MYBPC3: variants seen among roughly 807,000 people sequenced by gnomAD.
MYBPC3 encodes the protein myosin-binding protein C, cardiac-type.
A neutral mutation model predicts 159.3 loss-of-function variants in MYBPC3; 108 were observed. The observed-to-expected ratio is 0.68, with a 90% CI of 0.58 to 0.80. The LOEUF is 0.80. Among genes scored for constraint, MYBPC3 ranks in the 30% least tolerant of loss-of-function variants. The pLI is 0.00. For synonymous variants in MYBPC3, 730 were observed against 702.0 expected, an observed-to-expected ratio of 1.04 and a Z score of -0.63; for missense variants, 1,631 against 1,762.1, an observed-to-expected ratio of 0.93 and a Z score of 1.33.
rs1256361043 is a variant in MYBPC3, at chr11:47,332,291, A to G, written c.3628-33T>C. On this transcript the variant is annotated intron_variant, in intron 32 of 34. Coordinates refer to ENST00000545968, the MANE Select transcript of MYBPC3 (RefSeq NM_000256.3). This position sits in a 1 kb window ranked among gnomAD's most constrained non-coding sequence, Gnocchi z 4.2. ...TAAGGTAAAGAGAGGGAGGGAAGCC[A>G]TCCAGGCTGAGAGGGGACCTGGCAG... is the stretch of plus-strand genomic sequence containing the variant. 3.1e-6 allele frequency: 5 copies of G among 1,603,856 alleles called. No homozygotes were observed. The Admixed American group carries it at 8.3e-5, about 27-fold the overall frequency.
intron 30 of MYBPC3, 74 bp from the exon 31 acceptor site, chr11:47,333,047 CT>C: frequency 6.5e-7 from 1 of 1,542,702 alleles, no homozygotes; most frequent in Non-Finnish European, 8.8e-7. Context: ...CCTGGGTGCC[CT>C]TGGCATCTCC....
In MYBPC3 at chr11:47,344,684, C is replaced by T. The variant is rs183347672; in HGVS notation, c.1091-1060G>A. Among the ~76,000 whole-genome samples, 18 of 152,318 alleles carry T rather than the reference C, an allele frequency of 1.2e-4. No individual in the cohort carries two copies. In the East Asian group the frequency reaches 2.5e-3, roughly 21 times the overall value. On this transcript the variant is annotated intron_variant, in intron 12 of 34. Transcript: ENST00000545968. Reference sequence around the variant, plus strand: ...CTAGTTCCTTAAACCCTCTGTGCCTCGGTTTCCTCAGTAACATGGAAATGG... The same window carrying T: ...CTAGTTCCTTAAACCCTCTGTGCCTTGGTTTCCTCAGTAACATGGAAATGG...
Position 47,348,908 on chromosome 11 carries a change from T to TTATATATACATATATATATATATATA in MYBPC3, c.655-368_655-367insTATATATATATATATATGTATATATA, listed in dbSNP as rs1555123224. ...CGACAGAGCGAGACCCTGTCTCAAATTATATATATATATATATATTTAAAG... is the reference window on the plus strand; with the variant it reads ...CGACAGAGCGAGACCCTGTCTCAAATTATATATACATATATATATATATATATATATATATATATATATATTTAAAG... On this transcript the variant is annotated intron_variant, in intron 5 of 34. Coordinates refer to ENST00000545968, the MANE Select transcript of MYBPC3 (RefSeq NM_000256.3). 1.5e-4 allele frequency among the ~76,000 whole-genome samples: 6 copies of TTATATATACATATATATATATATATA among 39,884 alleles called. 1 individual carries two copies. The highest frequency in any genetic ancestry group is 4.6e-4 in the African/African-American group (6 of 13,140). 26.2% of individuals were successfully genotyped at this position (39,884 alleles called of 152,430 possible). A position where few individuals can be genotyped will look rare whatever the true frequency, so the allele number is the denominator to read the frequency against.
chr11:47,348,248 C>G (rs545885226), intron 6 of MYBPC3, among the ~76,000 whole-genome samples, 176 bp downstream of exon 6: 1 of 152,200 alleles, frequency 6.6e-6, no homozygotes, highest in Non-Finnish European at 1.5e-5. Context: ...TAAGCCCCCA[C>G]GCCTACCCTG....
chr11:47,334,028 G>T lies in MYBPC3; in HGVS notation c.2906-18C>A. On this transcript the variant is annotated intron_variant, in intron 27 of 34. Coordinates refer to ENST00000545968, the MANE Select transcript of MYBPC3 (RefSeq NM_000256.3). ...TGGCCGTTCTGTGGGTATAGAGTGG[G>T]TAGCTAAGTGAGGGCCCGCCACAGC... 3 of 1,560,928 alleles carry T rather than the reference G, an allele frequency of 1.9e-6. No homozygotes were observed. Among genetic ancestry groups the T allele is most frequent in the Non-Finnish European group, 2.6e-6 (3 of 1,152,154 alleles).
rs1060504239 is a variant in MYBPC3 at position 47,348,506 on chromosome 11, C to T, written c.690G>A (p.Gln230=). The T allele has an allele frequency of 4.3e-6, 7 of 1,613,452 alleles. No individual in the cohort carries two copies. The highest frequency in any genetic ancestry group is 5.9e-6 in the Non-Finnish European group (7 of 1,179,678). The stretch of plus-strand genomic sequence containing the variant: ...AGCGGTAGCTGCCAGTGAAGGCAGG[C>T]TGGGCATCGGTGATGTGCAGCTCGA... ...YLFELHITDA[Q]PAFTGSYRCE... The change falls in exon 6 of 35, where the codon CAG becomes CAA. Residue 230 remains glutamine (Q), a synonymous_variant. Transcript: ENST00000545968.
rs1555123220 is a variant in MYBPC3, at chr11:47,348,927, T to TA, written c.655-387_655-386insT. 1.0e-3 allele frequency among the ~76,000 whole-genome samples: 132 copies of TA among 125,976 alleles called. 1 individual carries two copies. Among genetic ancestry groups the TA allele is most frequent in the Non-Finnish European group, 1.3e-3 (78 of 58,344 alleles). 82.6% of individuals were successfully genotyped at this position (125,976 alleles called of 152,430 possible). A position where few individuals can be genotyped will look rare whatever the true frequency, so the allele number is the denominator to read the frequency against. On this transcript the variant is annotated intron_variant, in intron 5 of 34. Coordinates refer to ENST00000545968, the MANE Select transcript of MYBPC3 (RefSeq NM_000256.3). ...CTCAAATTATATATATATATATATA[T>TA]TTAAAGGAGGCTGGGAGTGACAAAT...
chr11:47,342,674 G>A lies in MYBPC3; in HGVS notation c.1528C>T (p.His510Tyr). Residue 510 changes from histidine (H) to tyrosine (Y), a missense_variant, in exon 17 of 35, where the codon CAC (histidine) becomes TAC (tyrosine). Physicochemically the swap from His to Tyr is moderately conservative, Grantham distance 83 (BLOSUM62 2). Coordinates refer to ENST00000545968, the MANE Select transcript of MYBPC3 (RefSeq NM_000256.3). ...ATGGCCTCGTTGATGATCAGGTGGT[G>A]TCTCTGCCCGTCCTTCTTGAACCGG... ...KYRFKKDGQRHHLIINEAMLE... is the reference protein window; with the variant it reads ...KYRFKKDGQRYHLIINEAMLE... The A allele has an allele frequency of 6.2e-7, 1 of 1,614,056 alleles. No individual in the cohort carries two copies. The highest frequency in any genetic ancestry group is 1.1e-5 in the South Asian group (1 of 91,090).
At position 47,332,348 on chromosome 11, in the gene MYBPC3, CG is replaced by C; in HGVS notation, c.3628-91del. 2 of 1,499,468 alleles carry C rather than the reference CG, an allele frequency of 1.3e-6. No homozygotes were observed. Among genetic ancestry groups the C allele is most frequent in the Non-Finnish European group, 1.8e-6 (2 of 1,082,450 alleles). The allele number at this position is 1,499,468 out of a possible 1,614,324, so 92.9% of individuals were successfully genotyped here. On this transcript the variant is annotated intron_variant, in intron 32 of 34. Coordinates refer to ENST00000545968, the MANE Select transcript of MYBPC3 (RefSeq NM_000256.3). The surrounding 1 kb of genome is among the most constrained non-coding windows in gnomAD (Gnocchi z 4.2). ...AGGGAGACACATCTGTGTTTCTACTCGGGGGGTCCCACGAGAGTCCCTGACT... is the reference window on the plus strand; with the variant it reads ...AGGGAGACACATCTGTGTTTCTACTCGGGGGTCCCACGAGAGTCCCTGACT...
At chr11:47,340,117 C>A (rs901808443) in intron 20 of MYBPC3, among the ~76,000 whole-genome samples, 3 of 147,574 alleles carry the variant, frequency 2.0e-5, no homozygotes, top group Non-Finnish European at 4.5e-5. Context: ...CACACACACA[C>A]AATACACACA....
At chr11:47,339,254 G>T (rs1003353936) in intron 22 of MYBPC3, 70 bp downstream of exon 22, 33 of 1,553,154 alleles carry the variant, frequency 2.1e-5, no homozygotes, top group Non-Finnish European at 2.8e-5. Flanking sequence ...CCTCGCCAAG[G>T]GCTCGGCACC....
At chr11:47,352,412 T>A (rs2142870584) in intron 1 of MYBPC3, among the ~76,000 whole-genome samples, 1 of 152,212 alleles carries the variant, frequency 6.6e-6, no homozygotes, top group Non-Finnish European at 1.5e-5. Flanking sequence ...TCTGCGTCCC[T>A]GACCTTGGGT....
At chr11:47,342,543 C>T in intron 17 of MYBPC3, 35 bp downstream of exon 17, 2 of 1,530,032 alleles carry the variant, frequency 1.3e-6, no homozygotes, top group African/African-American at 2.7e-5. Context: ...GGGTCCAAGC[C>T]CTAAAGCCTC....
chr11:47,350,128 T>G lies in MYBPC3; in HGVS notation c.407-16A>C. The stretch of plus-strand genomic sequence containing the variant: ...GAGCTTGACCCTGTGAGCAAAGGCT[T>G]TTTCTGTTTGTTTGAGATGGAGTCT... On this transcript the variant is annotated splice_polypyrimidine_tract_variant and intron_variant, in intron 3 of 34. Coordinates refer to ENST00000545968, the MANE Select transcript of MYBPC3 (RefSeq NM_000256.3). 1.3e-6 allele frequency: 2 copies of G among 1,550,018 alleles called. No individual in the cohort carries two copies. The highest frequency in any genetic ancestry group is 1.7e-6 in the Non-Finnish European group (2 of 1,146,284).
intron 30 of MYBPC3, 92 bp from the exon 31 acceptor site, chr11:47,333,065 A>G (rs1023162994): frequency 7.9e-6 from 12 of 1,525,670 alleles, no homozygotes; most frequent in Admixed American, 2.0e-5. Flanking sequence ...CTCCACCCCT[A>G]CTATGGAGGG....
intron 12 of MYBPC3, among the ~76,000 whole-genome samples, chr11:47,345,476 T>C (rs1163739005): frequency 6.6e-6 from 1 of 152,140 alleles, no homozygotes; most frequent in Non-Finnish European, 1.5e-5. Flanking sequence ...GGGAGGGGCT[T>C]GTCTCCCATA....
At chr11:47,337,946 CT>C (rs2095884216) in intron 23 of MYBPC3, among the ~76,000 whole-genome samples, 152 bp from the exon 24 acceptor site, 1 of 137,844 alleles carries the variant, frequency 7.3e-6, no homozygotes, top group South Asian at 2.3e-4. Context: ...TTTCTTTCTT[CT>C]TTTCCTTTTT....
chr11:47,342,657 G>A lies in MYBPC3; in HGVS notation c.1545C>T (p.Asn515=), dbSNP rs771230605. 1.5e-5 allele frequency: 24 copies of A among 1,613,880 alleles called. No homozygotes were observed. The highest frequency in any genetic ancestry group is 6.7e-5 in the African/African-American group (5 of 74,932). ...GCCCCGCGTCCTCCAGCATGGCCTCGTTGATGATCAGGTGGTGTCTCTGCC... is the reference window on the plus strand; with the variant it reads ...GCCCCGCGTCCTCCAGCATGGCCTCATTGATGATCAGGTGGTGTCTCTGCC... The part of the protein sequence containing the change: ...KDGQRHHLII[N]EAMLEDAGHY... The change falls in exon 17 of 35, where the codon AAC becomes AAT. Residue 515 remains asparagine (N), a synonymous_variant. Coordinates refer to ENST00000545968, the MANE Select transcript of MYBPC3 (RefSeq NM_000256.3).
chr11:47,343,380 A>G (rs940538872), intron 13 of MYBPC3, 112 bp downstream of exon 13: 18 of 1,482,370 alleles, frequency 1.2e-5, no homozygotes, highest in Admixed American at 2.3e-5. Flanking sequence ...GCCCAGAGAG[A>G]TGGGGCTGAG....
Sources: allele counts gnomAD v4.1 joint callset (sites outside exome capture counted in the v4.1 genomes callset), GRCh38; gene constraint gnomAD v4.1.1; non-coding constraint Gnocchi (gnomAD v3.1); transcripts MANE v1.5; gene names NCBI Gene and HGNC (gene_info 2026-07-23, HGNC 2026-07-21).